STK32C: variants seen among roughly 807,000 people sequenced by gnomAD.
STK32C encodes the protein serine/threonine kinase 32C, also known as serine/threonine-protein kinase 32C.
A neutral mutation model predicts 56.5 loss-of-function variants in STK32C; 31 were observed. The observed-to-expected ratio is 0.55, with a 90% CI of 0.41 to 0.74. STK32C has a LOEUF of 0.74. STK32C is among the 30% of genes least tolerant of loss of function. The pLI is 0.00. For missense variants in STK32C, 544 were observed against 676.9 expected (o/e 0.80, Z 2.18); for synonymous variants, 309 against 289.4 (o/e 1.07, Z -0.69).
Position 132,224,546 on chromosome 10 carries a change from G to T in STK32C, c.877-23C>A, listed in dbSNP as rs772025463. On this transcript the variant is annotated intron_variant, in intron 7 of 11. Coordinates refer to ENST00000298630, the MANE Select transcript of STK32C (RefSeq NM_173575.4). ...CCTCTGGAGACAGGGAGGCAGTGCT[G>T]GGCAGGTCCTCCTGGCCCCCAGGAC... The T allele has an allele frequency of 5.8e-6, 9 of 1,559,998 alleles. No individual in the cohort carries two copies. In the East Asian group the frequency reaches 1.8e-4, roughly 32 times the overall value.
chr10:132,301,307 G>C (rs992678009), intron 1 of STK32C, among the ~76,000 whole-genome samples: 2 of 152,194 alleles, frequency 1.3e-5, no homozygotes, highest in African/African-American at 4.8e-5. Context: ...ATGCAGCTCC[G>C]AGCTTCCCAA....
chr10:132,209,445 G>T (rs973444079), intron 10 of STK32C: 2 of 488,156 alleles, frequency 4.1e-6, no homozygotes, highest in Non-Finnish European at 7.9e-6. Flanking sequence ...GTCTCATACC[G>T]GGTTCTCCCA....
chr10:132,284,185 G>A (rs551338667), intron 1 of STK32C, among the ~76,000 whole-genome samples: 6 of 151,674 alleles, frequency 4.0e-5, no homozygotes, highest in Admixed American at 1.3e-4. Flanking sequence ...CCGTGCCTGA[G>A]GTCTGCAGGG....
chr10:132,268,136 C>CAT (rs2064648143), intron 1 of STK32C, among the ~76,000 whole-genome samples: 2 of 119,350 alleles, frequency 1.7e-5, no homozygotes, highest in Admixed American at 9.5e-5. Flanking sequence ...TGCGTGCATG[C>CAT]GTCACATTGT....
chr10:132,313,997 C>T (rs2066268813), intron 1 of STK32C, among the ~76,000 whole-genome samples: 1 of 152,190 alleles, frequency 6.6e-6, no homozygotes, highest in South Asian at 2.1e-4. Context: ...GAGTCTCTCT[C>T]CTGCCCATGT....
At chr10:132,279,772 C>T (rs1026987798) in intron 1 of STK32C, among the ~76,000 whole-genome samples, 5 of 151,378 alleles carry the variant, frequency 3.3e-5, no homozygotes, top group Non-Finnish European at 5.9e-5. Flanking sequence ...CGTGATCACG[C>T]CCCTGTACTC....
At chr10:132,321,405 T>C (rs191132553), downstream of STK32C, among the ~76,000 whole-genome samples, 1 of 152,288 alleles carries the variant, frequency 6.6e-6, no homozygotes, top group Admixed American at 6.5e-5. Flanking sequence ...ACTAGCCAAC[T>C]GGAGTCACGT....
chr10:132,279,773 C>T (rs74161765), intron 1 of STK32C, among the ~76,000 whole-genome samples: 21,190 of 149,996 alleles, frequency 0.14, 2,670 homozygotes, highest in African/African-American at 0.35. Flanking sequence ...GTGATCACGC[C>T]CCTGTACTCG....
chr10:132,264,069 A>G (rs575756137), intron 1 of STK32C, among the ~76,000 whole-genome samples: 12 of 152,224 alleles, frequency 7.9e-5, no homozygotes, highest in African/African-American at 2.9e-4. Context: ...GGTGGCTGCC[A>G]GGAGCTGGGG....
At chr10:132,215,460 GAT>G (rs1346729789) in intron 10 of STK32C, among the ~76,000 whole-genome samples, 1 of 150,512 alleles carries the variant, frequency 6.6e-6, no homozygotes, top group Non-Finnish European at 1.5e-5. Context: ...CTGTTGTCAT[GAT>G]AGTGAATGAG....
chr10:132,286,114 A>G (rs1299539665), intron 1 of STK32C, among the ~76,000 whole-genome samples: 1 of 151,762 alleles, frequency 6.6e-6, no homozygotes, highest in Non-Finnish European at 1.5e-5. Context: ...TGACGGAGCG[A>G]GACTCTGTCT....
chr10:132,241,618 A>C (rs2063502431), intron 2 of STK32C, among the ~76,000 whole-genome samples: 1 of 152,218 alleles, frequency 6.6e-6, no homozygotes, highest in Admixed American at 6.5e-5. Context: ...CGTATTCAGA[A>C]GTCCGTGTGG....
intron 1 of STK32C, among the ~76,000 whole-genome samples, chr10:132,281,849 C>T (rs906405447): frequency 7.2e-5 from 11 of 152,198 alleles, no homozygotes; most frequent in African/African-American, 2.4e-4. Flanking sequence ...GCTGAGGCCG[C>T]GGGGCAACTT....
chr10:132,300,843 C>A (rs2065891651), intron 1 of STK32C, among the ~76,000 whole-genome samples: 1 of 152,194 alleles, frequency 6.6e-6, no homozygotes, highest in Non-Finnish European at 1.5e-5. Context: ...AAGGTCTCGC[C>A]ACGTGCCCAA....
chr10:132,291,195 G>A (rs1279203269), intron 1 of STK32C, among the ~76,000 whole-genome samples: 3 of 152,172 alleles, frequency 2.0e-5, no homozygotes, highest in Non-Finnish European at 4.4e-5. Flanking sequence ...GCTGGCTTGC[G>A]CTCTCTGGAG....
At chr10:132,323,104 T>G (rs1234454585), downstream of STK32C, among the ~76,000 whole-genome samples, 1 of 152,166 alleles carries the variant, frequency 6.6e-6, no homozygotes, top group Non-Finnish European at 1.5e-5. The surrounding 1 kb of genome is among the most constrained non-coding windows in gnomAD (Gnocchi z 4.8). Flanking sequence ...TTATTTCCCT[T>G]CCTACTGCTT....
chr10:132,261,943 T>C (rs1042410170), intron 1 of STK32C, among the ~76,000 whole-genome samples: 1 of 152,106 alleles, frequency 6.6e-6, no homozygotes, highest in Non-Finnish European at 1.5e-5. Context: ...GGAAAAACTA[T>C]GCTAAAATTC....
At chr10:132,320,076 T>A (rs2138456986), downstream of STK32C, among the ~76,000 whole-genome samples, 1 of 150,446 alleles carries the variant, frequency 6.6e-6, no homozygotes, top group East Asian at 1.9e-4. Context: ...CACATTTTTA[T>A]GAGGTTTATA....
upstream of STK32C, chr10:132,331,855 C>A (rs779258325): frequency 4.3e-6 from 6 of 1,409,806 alleles, no homozygotes; most frequent in Non-Finnish European, 5.8e-6. Flanking sequence ...CGGATGCTAC[C>A]GTTGGCCGCG....
Sources: allele counts gnomAD v4.1 joint callset (sites outside exome capture counted in the v4.1 genomes callset), GRCh38; gene constraint gnomAD v4.1.1; non-coding constraint Gnocchi (gnomAD v3.1); transcripts MANE v1.5; gene names NCBI Gene and HGNC (gene_info 2026-07-23, HGNC 2026-07-21).